Variants in DNAJC22 observed in about 807,000 individuals in gnomAD.
The protein encoded by DNAJC22 is dnaJ homolog subfamily C member 22.
In DNAJC22, 24 loss-of-function variants were observed where a neutral mutation model predicts 22.2. The ratio of observed to expected loss-of-function variants is 1.08; its 90% CI spans 0.78 to 1.52. The LOEUF (loss-of-function observed/expected upper bound fraction) is 1.52. Ranked by LOEUF, DNAJC22 falls within the 40% of genes most tolerant of loss-of-function variation. DNAJC22 has a pLI of 0.00. For missense variants in DNAJC22, 434 were observed against 421.7 expected (o/e 1.03, Z -0.26); for synonymous variants, 160 against 167.4 (o/e 0.96, Z 0.34).
chr12:49,349,032 A>G lies in DNAJC22; in HGVS notation c.160A>G (p.Ser54Gly). The G allele has an allele frequency of 3.1e-6, 5 of 1,601,768 alleles. No homozygotes were observed. Among genetic ancestry groups the G allele is most frequent in the Non-Finnish European group, 4.3e-6 (5 of 1,174,280 alleles). ...GCTCTGGGAGTTCTGGAAGCTCCCA[A>G]GCTTTGTAGCTCAGGCCAACAGAGC... Reference protein sequence around the residue: ...GWLWEFWKLPSFVAQANRAQG... With the variant: ...GWLWEFWKLPGFVAQANRAQG... The change falls in exon 3 of 4, where the codon AGC becomes GGC. Residue 54 changes from serine to glycine, a missense_variant. Physicochemically the swap from Ser to Gly is moderately conservative, Grantham distance 56. Coordinates refer to ENST00000549441, the MANE Select transcript of DNAJC22 (RefSeq NM_001304944.2).
chr12:49,349,267 A>G lies in DNAJC22; in HGVS notation c.395A>G (p.Lys132Arg), dbSNP rs1332640801. Residue 132 changes from lysine (K) to arginine (R), a missense_variant, in exon 3 of 4, where the codon AAG becomes AGG. Coordinates refer to ENST00000549441, the MANE Select transcript of DNAJC22 (RefSeq NM_001304944.2). ...AAVGNQTSDF[K>R]NTLGSAFLTS... ...GTTGGCAACCAGACCTCAGACTTTAAGAACACTCTGGGGTCAGCATTTCTC... is the reference window on the plus strand; with the variant it reads ...GTTGGCAACCAGACCTCAGACTTTAGGAACACTCTGGGGTCAGCATTTCTC... 1 of 1,614,036 alleles carries G rather than the reference A, an allele frequency of 6.2e-7. No individual in the cohort carries two copies. Among genetic ancestry groups the G allele is most frequent in the African/African-American group, 1.3e-5 (1 of 74,906 alleles).
At position 49,349,092 on chromosome 12, in the gene DNAJC22, C is replaced by T. The variant is rs754049002; in HGVS notation, c.220C>T (p.Pro74Ser). The change falls in exon 3 of 4, where the codon CCC becomes TCC. Residue 74 changes from proline to serine, a missense_variant. Transcript: ENST00000549441. ...GAGGCAGAGCCCCAGAGGGGTGACACCCCCTCTGAGTCCCATTCGCTTTGC... is the reference window on the plus strand; with the variant it reads ...GAGGCAGAGCCCCAGAGGGGTGACATCCCCTCTGAGTCCCATTCGCTTTGC... The part of the protein sequence containing the change: ...GQRQSPRGVT[P>S]PLSPIRFAAQ... 1.2e-6 allele frequency: 2 copies of T among 1,614,048 alleles called. No individual in the cohort carries two copies. The highest frequency in any genetic ancestry group is 1.3e-5 in the African/African-American group (1 of 75,024).
In DNAJC22 at chr12:49,349,033, G is replaced by A; in HGVS notation, c.161G>A (p.Ser54Asn). The A allele has an allele frequency of 1.2e-6, 2 of 1,603,200 alleles. No individual in the cohort carries two copies. Among genetic ancestry groups the A allele is most frequent in the Non-Finnish European group, 1.7e-6 (2 of 1,174,936 alleles). Residue 54 changes from serine to asparagine, a missense_variant, in exon 3 of 4, where the codon AGC becomes AAC. Coordinates refer to ENST00000549441, the MANE Select transcript of DNAJC22 (RefSeq NM_001304944.2). ...GWLWEFWKLP[S>N]FVAQANRAQG... Reference sequence around the variant, plus strand: ...CTCTGGGAGTTCTGGAAGCTCCCAAGCTTTGTAGCTCAGGCCAACAGAGCC... The same window carrying A: ...CTCTGGGAGTTCTGGAAGCTCCCAAACTTTGTAGCTCAGGCCAACAGAGCC...
chr12:49,351,693 C>T lies in DNAJC22; in HGVS notation c.*191C>T, dbSNP rs1185841603. 6.8e-6 allele frequency: 3 copies of T among 443,810 alleles called. No homozygotes were observed. The highest frequency in any genetic ancestry group is 2.1e-5 in the African/African-American group (1 of 47,960). 27.5% of individuals were successfully genotyped at this position (443,810 alleles called of 1,614,324 possible). A position where few individuals can be genotyped will look rare whatever the true frequency, so the allele number is the denominator to read the frequency against. On this transcript the variant is annotated 3_prime_UTR_variant, in exon 4 of 4. Transcript: ENST00000549441. ...CGGGCAGATCACGAGGTCAGGAGTT[C>T]GAGACCAGCAGCCTGGCCAATATAG...
intron 2 of DNAJC22, 80 bp from the exon 3 acceptor site, chr12:49,348,686 A>G (rs2137091637): frequency 1.4e-6 from 1 of 735,386 alleles, no homozygotes. Flanking sequence ...ATCTGTACTC[A>G]ACTTTTATTG....
rs866373164 is a variant in DNAJC22 at position 49,349,482 on chromosome 12, A to C, written c.610A>C (p.Thr204Pro). The C allele has an allele frequency of 1.9e-6, 3 of 1,614,216 alleles. No homozygotes were observed. In the Middle Eastern group the frequency reaches 4.9e-4, roughly 266 times the overall value. The part of the protein sequence containing the change: ...GPLAYSALCN[T>P]AATLSYVAET... ...ACTGGCATACAGTGCCCTCTGCAAC[A>C]CAGCTGCCACCCTCAGCTATGTGGC... The change falls in exon 3 of 4, where the codon ACA becomes CCA. Residue 204 changes from threonine (T) to proline (P), a missense_variant. By Grantham distance (38) the Thr-to-Pro change is conservative. Transcript: ENST00000549441.
In DNAJC22 at chr12:49,351,338, G is replaced by A. The variant is rs559727630; in HGVS notation, c.862G>A (p.Ala288Thr). 1.2e-6 allele frequency: 2 copies of A among 1,613,598 alleles called. No individual in the cohort carries two copies. Among genetic ancestry groups the A allele is most frequent in the African/African-American group, 1.3e-5 (1 of 74,986 alleles). The part of the protein sequence containing the change: ...AYQVLGLSEG[A>T]TNEEIHRSYQ... ...TAAGGTTTTGGGCCTCTCAGAAGGG[G>A]CAACAAATGAAGAAATACATCGGAG... The change falls in exon 4 of 4, where the codon GCA becomes ACA. Residue 288 changes from alanine (A) to threonine (T), a missense_variant. Coordinates refer to ENST00000549441, the MANE Select transcript of DNAJC22 (RefSeq NM_001304944.2).
chr12:49,349,856 C>T, intron 3 of DNAJC22, 144 bp downstream of exon 3: 2 of 1,486,644 alleles, frequency 1.3e-6, no homozygotes, highest in Admixed American at 2.5e-5. Context: ...GTTACAGATG[C>T]TGTGAGTAGG....
chr12:49,350,686 C>CG (rs1351155397), intron 3 of DNAJC22, among the ~76,000 whole-genome samples: 1 of 150,386 alleles, frequency 6.6e-6, no homozygotes, highest in South Asian at 2.1e-4. Context: ...TTAGTAGAGA[C>CG]GGGGTTTCTC....
intron 3 of DNAJC22, among the ~76,000 whole-genome samples, chr12:49,350,113 G>C (rs1174025370): frequency 6.7e-6 from 1 of 149,902 alleles, no homozygotes; most frequent in Non-Finnish European, 1.5e-5. Context: ...GTCTCGCTGT[G>C]TTGCCCAGGC....
At position 49,348,773 on chromosome 12, in the gene DNAJC22, G is replaced by A. The variant is rs1173618020; in HGVS notation, c.-100G>A. The A allele has an allele frequency of 7.1e-7, 1 of 1,408,470 alleles. No homozygotes were observed. The allele number at this position is 1,408,470 out of a possible 1,614,324, so 87.2% of individuals were successfully genotyped here. ...CTTTTTCCCATCTCTTAGGGTCTAAGGATAACTCTGGGGCCATGACAGCCA... is the reference window on the plus strand; with the variant it reads ...CTTTTTCCCATCTCTTAGGGTCTAAAGATAACTCTGGGGCCATGACAGCCA... On this transcript the variant is annotated 5_prime_UTR_variant, in exon 3 of 4. Coordinates refer to ENST00000549441, the MANE Select transcript of DNAJC22 (RefSeq NM_001304944.2).
chr12:49,349,166 C>T lies in DNAJC22; in HGVS notation c.294C>T (p.Ser98=). Residue 98 remains serine (S), a synonymous_variant, in exon 3 of 4, where the codon AGC becomes AGT. Coordinates refer to ENST00000549441, the MANE Select transcript of DNAJC22 (RefSeq NM_001304944.2). ...GIYFGLVALI[S]LSSMVNFYIV... ...ATTTTGGCCTTGTGGCACTGATTAG[C>T]CTTTCTTCCATGGTCAACTTCTATA... 1 of 1,614,148 alleles carries T rather than the reference C, an allele frequency of 6.2e-7. No homozygotes were observed. Among genetic ancestry groups the T allele is most frequent in the Non-Finnish European group, 8.5e-7 (1 of 1,180,020 alleles).
intron 2 of DNAJC22, among the ~76,000 whole-genome samples, chr12:49,348,524 C>A (rs1024927254): frequency 1.3e-5 from 2 of 152,074 alleles, no homozygotes; most frequent in African/African-American, 4.8e-5. Flanking sequence ...CCACACATCC[C>A]CCCATGAGTC....
In DNAJC22 at chr12:49,353,406, T is replaced by C. The variant is rs1374358203; in HGVS notation, c.*1904T>C. 1 of 152,226 alleles carries C rather than the reference T, an allele frequency of 6.6e-6. No individual in the cohort carries two copies. The highest frequency in any genetic ancestry group is 2.4e-5 in the African/African-American group (1 of 41,446). The allele number at this position is 152,226 out of a possible 1,614,324, so 9.4% of individuals were successfully genotyped here. On this transcript the variant is annotated 3_prime_UTR_variant, in exon 4 of 4. Coordinates refer to ENST00000549441, the MANE Select transcript of DNAJC22 (RefSeq NM_001304944.2). Reference sequence around the variant, plus strand: ...CCTCTTGCCTATAATCCTAGCACTTTGGCAAGCCAAGGCAGGAAGATTGCT... The same window carrying C: ...CCTCTTGCCTATAATCCTAGCACTTCGGCAAGCCAAGGCAGGAAGATTGCT...
At position 49,351,795 on chromosome 12, in the gene DNAJC22, G is replaced by A; in HGVS notation, c.*293G>A. 5.7e-6 allele frequency: 1 copy of A among 174,914 alleles called. No homozygotes were observed. Among genetic ancestry groups the A allele is most frequent in the Non-Finnish European group, 1.2e-5 (1 of 83,194 alleles). The allele number at this position is 174,914 out of a possible 1,614,324, so 10.8% of individuals were successfully genotyped here. On this transcript the variant is annotated 3_prime_UTR_variant, in exon 4 of 4. Coordinates refer to ENST00000549441, the MANE Select transcript of DNAJC22 (RefSeq NM_001304944.2). The stretch of plus-strand genomic sequence containing the variant: ...GGCACCTGTAGTCCCAGCTACTTGG[G>A]AGGCTGAGGCAGGAGAATCACCTGA...
At chr12:49,350,494 C>CTTTTTTTTTTTTTTTT (rs57468642) in intron 3 of DNAJC22, among the ~76,000 whole-genome samples, 1 of 108,512 alleles carries the variant, frequency 9.2e-6, no homozygotes, top group Non-Finnish European at 1.9e-5. Flanking sequence ...CCTCTTGATT[C>CTTTTTTTTTTTTTTTT]TTTTTTTTTT....
intron 3 of DNAJC22, 87 bp from the exon 4 acceptor site, chr12:49,351,230 T>C: frequency 6.3e-7 from 1 of 1,591,798 alleles, no homozygotes; most frequent in Non-Finnish European, 8.5e-7. Flanking sequence ...AGAGATATGA[T>C]AGCCTGATTT....
rs892402474 is a variant in DNAJC22, at chr12:49,351,965, G to C, written c.*463G>C. ...ATGAGAAAACAATGGGGTGAGAAAA[G>C]GTTGTGGTAGAAGGATGTGTTTATA... is the stretch of plus-strand genomic sequence containing the variant. On this transcript the variant is annotated 3_prime_UTR_variant, in exon 4 of 4. Coordinates refer to ENST00000549441, the MANE Select transcript of DNAJC22 (RefSeq NM_001304944.2). 3 of 151,866 alleles carry C rather than the reference G, an allele frequency of 2.0e-5. No individual in the cohort carries two copies. Among genetic ancestry groups the C allele is most frequent in the African/African-American group, 7.3e-5 (3 of 41,322 alleles). 9.4% of individuals were successfully genotyped at this position (151,866 alleles called of 1,614,324 possible). A position where few individuals can be genotyped will look rare whatever the true frequency, so the allele number is the denominator to read the frequency against.
Position 49,353,535 on chromosome 12 carries a change from G to C in DNAJC22, c.*2033G>C, listed in dbSNP as rs2137098852. 1 of 152,272 alleles carries C rather than the reference G, an allele frequency of 6.6e-6. No individual in the cohort carries two copies. The highest frequency in any genetic ancestry group is 1.9e-4 in the East Asian group (1 of 5,188). The allele number at this position is 152,272 out of a possible 1,614,324, so 9.4% of individuals were successfully genotyped here. On this transcript the variant is annotated 3_prime_UTR_variant, in exon 4 of 4. Coordinates refer to ENST00000549441, the MANE Select transcript of DNAJC22 (RefSeq NM_001304944.2). ...GTTGTGGGGTGCGCCTGTAGTCCCA[G>C]CTAAGGAGGCTGAGATTGGGAGGAT... is the stretch of plus-strand genomic sequence containing the variant.
Sources: allele counts gnomAD v4.1 joint callset (sites outside exome capture counted in the v4.1 genomes callset), GRCh38; gene constraint gnomAD v4.1.1; transcripts MANE v1.5; gene names NCBI Gene and HGNC (gene_info 2026-07-23, HGNC 2026-07-21).